Variants in CFAP47 observed in about 807,000 individuals in gnomAD.
CFAP47 encodes cilia and flagella associated protein 47.
In CFAP47, 29 loss-of-function variants were observed where a neutral mutation model predicts 148.1. The observed-to-expected ratio is 0.20, with a 90% CI of 0.15 to 0.27. CFAP47 has a LOEUF of 0.27. Among genes scored for constraint, CFAP47 ranks in the 10% least tolerant of loss-of-function variants. The probability of loss-of-function intolerance (pLI) is 1.00; values close to 1 mark genes in which losing one functional copy is unlikely to be tolerated. For synonymous variants in CFAP47, 664 were observed against 577.3 expected (o/e 1.15, Z -2.15); for missense variants, 1,872 against 1,697.5 (o/e 1.10, Z -1.81).
At chrX:36,324,769 C>T (rs1398555007) in intron 57 of CFAP47, among the ~76,000 whole-genome samples, 3 of 111,166 alleles carry the variant, frequency 2.7e-5, no homozygotes, top group African/African-American at 9.8e-5. Context: ...TGTTACATGC[C>T]AGGAAATACA....
intron 21 of CFAP47, among the ~76,000 whole-genome samples, chrX:36,013,483 TAAC>T (rs767123868): frequency 8.9e-6 from 1 of 111,842 alleles, no homozygotes; most frequent in African/African-American, 3.2e-5. Context: ...GGGCAAAAAA[TAAC>T]AAAATCAATA....
chrX:36,197,607 A>T (rs1263002126), intron 42 of CFAP47, among the ~76,000 whole-genome samples: 1 of 112,371 alleles, frequency 8.9e-6, no homozygotes, highest in Non-Finnish European at 1.9e-5. Flanking sequence ...GTGGAAACAC[A>T]TACAAACACA....
chrX:36,036,231 G>C (rs776861448), intron 24 of CFAP47, among the ~76,000 whole-genome samples: 8 of 110,616 alleles, frequency 7.2e-5, no homozygotes, highest in Non-Finnish European at 1.3e-4. Context: ...CAAGCCCCTA[G>C]AAGACAATGC....
chrX:36,382,426 G>A (rs180785182), intron 63 of CFAP47, among the ~76,000 whole-genome samples: 34 of 111,464 alleles, frequency 3.1e-4, no homozygotes, highest in Non-Finnish European at 3.8e-5. Context: ...GTACAAAATT[G>A]ATCTATGAAG....
chrX:36,087,861 A>T (rs763799930), intron 30 of CFAP47, among the ~76,000 whole-genome samples: 143 of 111,829 alleles, frequency 1.3e-3, no homozygotes, highest in Middle Eastern at 4.6e-3. Context: ...GAGAGGGTCA[A>T]GTTGGAGCAA....
intron 27 of CFAP47, among the ~76,000 whole-genome samples, chrX:36,066,307 T>C (rs1937639665): frequency 1.4e-5 from 1 of 72,723 alleles, no homozygotes; most frequent in African/African-American, 5.2e-5. Flanking sequence ...GTCAAGGTCT[T>C]AATTTTCAGT....
At chrX:36,272,279 G>A (rs782431534) in intron 49 of CFAP47, among the ~76,000 whole-genome samples, 3 of 112,072 alleles carry the variant, frequency 2.7e-5, no homozygotes, top group African/African-American at 6.5e-5. Context: ...GTAGAAGTGC[G>A]CCAGTTAAAG....
chrX:36,341,161 G>A (rs1435843405), intron 57 of CFAP47, among the ~76,000 whole-genome samples: 3 of 106,361 alleles, frequency 2.8e-5, no homozygotes, highest in Non-Finnish European at 5.8e-5. Context: ...TCAGCTTCCC[G>A]AGTAGCTGGG....
chrX:36,139,322 T>A (rs7064193), intron 35 of CFAP47, among the ~76,000 whole-genome samples: 1 of 110,883 alleles, frequency 9.0e-6, no homozygotes, highest in Non-Finnish European at 1.9e-5. Context: ...AATGTAGAGT[T>A]TGAAAAAGTG....
intron 3 of CFAP47, among the ~76,000 whole-genome samples, chrX:35,944,497 A>G (rs1240930088): frequency 9.0e-6 from 1 of 111,670 alleles, no homozygotes; most frequent in Non-Finnish European, 1.9e-5. Context: ...AATCTCTAAA[A>G]ATTAGTCATT....
chrX:36,145,401 G>A (rs1939219170), intron 36 of CFAP47, 48 bp downstream of exon 36: 1 of 290,954 alleles, frequency 3.4e-6, no homozygotes, highest in East Asian at 4.9e-5. Flanking sequence ...ACACAATTAA[G>A]AGAGGTTTTA....
intron 28 of CFAP47, 68 bp downstream of exon 28, chrX:36,072,039 A>AG: frequency 1.2e-6 from 1 of 845,499 alleles, no homozygotes; most frequent in Non-Finnish European, 1.6e-6. Context: ...ATATCACTTA[A>AG]TTTAAGGTTA....
chrX:36,369,744 C>T (rs1556020992), intron 62 of CFAP47, among the ~76,000 whole-genome samples: 3 of 111,312 alleles, frequency 2.7e-5, no homozygotes, highest in South Asian at 3.8e-4. Flanking sequence ...GAGCATATTC[C>T]GAGAGAAGCA....
chrX:36,169,402 A>G (rs111753023), intron 39 of CFAP47, among the ~76,000 whole-genome samples: 2,563 of 107,858 alleles, frequency 0.024, 83 homozygotes, highest in African/African-American at 0.075. Flanking sequence ...AATTCTCATT[A>G]GACTTATGTT....
chrX:36,194,253 G>A (rs1419476625), intron 42 of CFAP47, among the ~76,000 whole-genome samples: 1 of 111,258 alleles, frequency 9.0e-6, no homozygotes, highest in Non-Finnish European at 1.9e-5. Context: ...CATGATCCCT[G>A]CACTCAAGGG....
At chrX:36,063,845 A>G (rs1267199011) in intron 26 of CFAP47, among the ~76,000 whole-genome samples, 3 of 111,927 alleles carry the variant, frequency 2.7e-5, no homozygotes, top group Middle Eastern at 9.3e-3. Flanking sequence ...TTTAAATCAA[A>G]ATCTCAACAG....
At chrX:35,998,274 G>C (rs1034780006) in intron 19 of CFAP47, among the ~76,000 whole-genome samples, 1 of 110,740 alleles carries the variant, frequency 9.0e-6, no homozygotes, top group Non-Finnish European at 1.9e-5. Context: ...TTCTATAATT[G>C]ATAGAGTGCA....
At chrX:36,193,946 C>T (rs1939892509) in intron 42 of CFAP47, among the ~76,000 whole-genome samples, 1 of 111,313 alleles carries the variant, frequency 9.0e-6, no homozygotes, top group Admixed American at 9.6e-5. Flanking sequence ...AGTCCACATG[C>T]CTGAGGTACC....
At chrX:36,351,104 C>G (rs1456460869) in intron 59 of CFAP47, among the ~76,000 whole-genome samples, 5 of 111,426 alleles carry the variant, frequency 4.5e-5, no homozygotes, top group African/African-American at 1.6e-4. Context: ...GTAAGTTTTG[C>G]TTGTAAGTAA....
Sources: allele counts gnomAD v4.1 joint callset (sites outside exome capture counted in the v4.1 genomes callset), GRCh38; gene constraint gnomAD v4.1.1; transcripts MANE v1.5; gene names NCBI Gene and HGNC (gene_info 2026-07-23, HGNC 2026-07-21).